BICC1: variants seen among roughly 807,000 people sequenced by gnomAD.
BICC1 encodes the protein protein bicaudal C homolog 1.
Under a neutral mutation model 111.0 loss-of-function variants are expected in BICC1, and 43 were observed. That is an observed-to-expected ratio of 0.39 (90% confidence interval 0.30 to 0.50). The LOEUF (loss-of-function observed/expected upper bound fraction) is 0.50. BICC1 is among the 20% of genes least tolerant of loss of function. BICC1 has a pLI of 0.88. For synonymous variants in BICC1, 467 were observed against 434.4 expected (o/e 1.07, Z -0.93); for missense variants, 1,091 against 1,203.2 (o/e 0.91, Z 1.38).
intron 2 of BICC1, among the ~76,000 whole-genome samples, chr10:58,675,891 T>C (rs1839323070): frequency 6.6e-6 from 1 of 152,206 alleles, no homozygotes; most frequent in Admixed American, 6.5e-5. Context: ...CCAGAGAGAC[T>C]AACGCAGAAG....
intron 2 of BICC1, among the ~76,000 whole-genome samples, chr10:58,670,958 A>T (rs1839166241): frequency 1.3e-5 from 2 of 152,138 alleles, no homozygotes; most frequent in African/African-American, 4.8e-5. Flanking sequence ...CAGGCACTGT[A>T]TGTTTCCATT....
chr10:58,707,811 C>G (rs541117430), intron 3 of BICC1, among the ~76,000 whole-genome samples: 1 of 152,244 alleles, frequency 6.6e-6, no homozygotes, highest in South Asian at 2.1e-4. Flanking sequence ...ATTGTCCTGG[C>G]TCAGCCTCCC....
At chr10:58,747,506 A>C (rs1478390918) in intron 3 of BICC1, among the ~76,000 whole-genome samples, 1 of 152,068 alleles carries the variant, frequency 6.6e-6, no homozygotes, top group Non-Finnish European at 1.5e-5. Flanking sequence ...TATCGTATAC[A>C]TTTATGGGGT....
chr10:58,766,021 A>G lies in BICC1; in HGVS notation c.308-18980A>G, dbSNP rs950108692. 2.0e-5 allele frequency among the ~76,000 whole-genome samples: 3 copies of G among 152,174 alleles called. No individual in the cohort carries two copies. The South Asian group carries it at 6.2e-4, about 32-fold the overall frequency. On this transcript the variant is annotated intron_variant, in intron 3 of 20. Transcript: ENST00000373886. Reference sequence around the variant, plus strand: ...AGCCCACAATCATATTAGAATTTGCATTGTGTTACTGGAAGCAGCACAGAA... The same window carrying G: ...AGCCCACAATCATATTAGAATTTGCGTTGTGTTACTGGAAGCAGCACAGAA...
intron 1 of BICC1, 127 bp downstream of exon 1, chr10:58,513,460 C>CT: frequency 1.1e-6 from 1 of 904,346 alleles, no homozygotes; most frequent in Non-Finnish European, 1.6e-6. Context: ...AGGCCCGCTC[C>CT]CCCGCGGAGC....
chr10:58,519,031 C>T (rs950165233), intron 1 of BICC1, among the ~76,000 whole-genome samples: 1 of 152,186 alleles, frequency 6.6e-6, no homozygotes, highest in African/African-American at 2.4e-5. Flanking sequence ...CACAGAGTGG[C>T]TTAAACAAGC....
chr10:58,659,374 A>G (rs912880249), intron 2 of BICC1, among the ~76,000 whole-genome samples: 7 of 152,226 alleles, frequency 4.6e-5, no homozygotes, highest in Non-Finnish European at 1.0e-4. Flanking sequence ...AATGTGGTAC[A>G]TATACACCAT....
At chr10:58,599,312 A>G (rs764493138) in intron 1 of BICC1, among the ~76,000 whole-genome samples, 1 of 152,198 alleles carries the variant, frequency 6.6e-6, no homozygotes, top group African/African-American at 2.4e-5. Flanking sequence ...ATGGAATACT[A>G]GGCAGCCCTA....
chr10:58,684,367 T>C lies in BICC1; in HGVS notation c.238-17707T>C, dbSNP rs58242331. On this transcript the variant is annotated intron_variant, in intron 2 of 20. Transcript: ENST00000373886. ...TTGTTGTGTCTCTGCCAGGCTTTGGTATCAGGATGATGCTGGCCTCATAAA... is the reference window on the plus strand; with the variant it reads ...TTGTTGTGTCTCTGCCAGGCTTTGGCATCAGGATGATGCTGGCCTCATAAA... Among the ~76,000 whole-genome samples, 47 of 152,330 alleles carry C rather than the reference T, an allele frequency of 3.1e-4. No homozygotes were observed. In the East Asian group the frequency reaches 4.2e-3, roughly 14 times the overall value.
intron 1 of BICC1, among the ~76,000 whole-genome samples, chr10:58,521,787 T>G (rs1438802253): frequency 0.012 from 442 of 38,112 alleles, 14 homozygotes; most frequent in African/African-American, 0.061. Flanking sequence ...TTTTTTTTTT[T>G]TTTTTTTTTT....
At chr10:58,817,796 T>C in intron 19 of BICC1, 74 bp downstream of exon 19, 1 of 1,408,460 alleles carries the variant, frequency 7.1e-7, no homozygotes, top group Non-Finnish European at 9.7e-7. Context: ...TGAAATCACT[T>C]ATTGACCTAT....
At chr10:58,746,615 C>T (rs1419112789) in intron 3 of BICC1, among the ~76,000 whole-genome samples, 3 of 152,126 alleles carry the variant, frequency 2.0e-5, no homozygotes, top group Non-Finnish European at 4.4e-5. Flanking sequence ...GTTTCTATCC[C>T]AGACTGGTTA....
intron 1 of BICC1, among the ~76,000 whole-genome samples, chr10:58,614,981 T>C (rs984542849): frequency 6.6e-6 from 1 of 152,188 alleles, no homozygotes; most frequent in African/African-American, 2.4e-5. Context: ...CCTTATCTGC[T>C]ACTTTCATTG....
intron 1 of BICC1, among the ~76,000 whole-genome samples, chr10:58,531,133 G>A (rs542670142): frequency 5.9e-5 from 9 of 151,954 alleles, no homozygotes; most frequent in Admixed American, 3.9e-4. Context: ...CCAATGTGCT[G>A]GCTTTTTGAG....
At chr10:58,555,805 T>G (rs1323080598) in intron 1 of BICC1, among the ~76,000 whole-genome samples, 1 of 152,136 alleles carries the variant, frequency 6.6e-6, no homozygotes, top group Admixed American at 6.6e-5. Context: ...TTAACTTGGA[T>G]TACTGGAGAA....
At chr10:58,620,996 G>A (rs1476534478) in intron 2 of BICC1, 95 bp downstream of exon 2, 5 of 1,037,634 alleles carry the variant, frequency 4.8e-6, no homozygotes, top group South Asian at 1.5e-5. Context: ...TCCCCTTCAT[G>A]TGGAGGAGAA....
intron 1 of BICC1, among the ~76,000 whole-genome samples, chr10:58,593,529 G>A (rs962960677): frequency 6.6e-6 from 1 of 152,126 alleles, no homozygotes; most frequent in Non-Finnish European, 1.5e-5. Flanking sequence ...CTGGGACGAA[G>A]CTTCCAGAGG....
chr10:58,776,332 G>T (rs1051221684), intron 3 of BICC1, among the ~76,000 whole-genome samples: 4 of 152,340 alleles, frequency 2.6e-5, no homozygotes, highest in South Asian at 4.1e-4. Flanking sequence ...GGAACAATCT[G>T]CCCTGGCTAC....
chr10:58,685,568 A>G (rs1468736232), intron 2 of BICC1, among the ~76,000 whole-genome samples: 2 of 152,148 alleles, frequency 1.3e-5, no homozygotes, highest in Admixed American at 1.3e-4. Context: ...GGGTGCATGT[A>G]TATTTAGGAG....
Sources: allele counts gnomAD v4.1 joint callset (sites outside exome capture counted in the v4.1 genomes callset), GRCh38; gene constraint gnomAD v4.1.1; transcripts MANE v1.5; gene names NCBI Gene and HGNC (gene_info 2026-07-23, HGNC 2026-07-21).